The following DIP2A variants were observed in gnomAD, a reference collection of about 807,000 sequenced individuals.
The protein encoded by DIP2A is disco-interacting protein 2 homolog A.
A neutral mutation model predicts 177.4 loss-of-function variants in DIP2A; 85 were observed. That is an observed-to-expected ratio of 0.48 (90% CI 0.40 to 0.57). The LOEUF is 0.57. Ranked by LOEUF, DIP2A falls within the 20% of genes least tolerant of loss-of-function variation. The probability of loss-of-function intolerance (pLI) is 0.00; values close to 1 mark genes in which losing one functional copy is unlikely to be tolerated. For synonymous variants in DIP2A, 886 were observed against 881.8 expected (o/e 1.00, Z -0.08); for missense variants, 1,791 against 2,100.2 (o/e 0.85, Z 2.88).
At chr21:46,470,510 C>T (rs1319904316) in intron 1 of DIP2A, among the ~76,000 whole-genome samples, 5 of 151,038 alleles carry the variant, frequency 3.3e-5, no homozygotes, top group Middle Eastern at 3.5e-3. Context: ...CGGTAGCTCA[C>T]GCCTGTAATT....
At chr21:46,501,749 T>C (rs996263811) in intron 5 of DIP2A, among the ~76,000 whole-genome samples, 5 of 152,254 alleles carry the variant, frequency 3.3e-5, no homozygotes, top group African/African-American at 9.6e-5. Flanking sequence ...AAAAAACTAC[T>C]TGTAGTACAT....
At position 46,550,588 on chromosome 21, in the gene DIP2A, G is replaced by A; in HGVS notation, c.2683G>A (p.Val895Ile). The A allele has an allele frequency of 1.9e-6, 3 of 1,613,702 alleles. No individual in the cohort carries two copies. Among genetic ancestry groups the A allele is most frequent in the Non-Finnish European group, 2.5e-6 (3 of 1,179,822 alleles). ...GGTGGGCGTGTACTGTCTGGCCCTGGTTCCTGCCAACACCTTGCCCAAGGC... is the reference window on the plus strand; with the variant it reads ...GGTGGGCGTGTACTGTCTGGCCCTGATTCCTGCCAACACCTTGCCCAAGGC... Reference protein sequence around the residue: ...HQVGVYCLALVPANTLPKAPL... With the variant: ...HQVGVYCLALIPANTLPKAPL... The change falls in exon 23 of 38, where the codon GTT becomes ATT. Residue 895 changes from valine (V) to isoleucine (I), a missense_variant. Val to Ile is a conservative substitution (Grantham distance 29, BLOSUM62 3). Transcript: ENST00000417564.
At chr21:46,490,302 C>G (rs2034129086) in intron 2 of DIP2A, among the ~76,000 whole-genome samples, 1 of 152,094 alleles carries the variant, frequency 6.6e-6, no homozygotes, top group Non-Finnish European at 1.5e-5. Flanking sequence ...GCTCCCACCC[C>G]TGATGTGAGC....
intron 3 of DIP2A, 39 bp from the exon 4 acceptor site, chr21:46,496,949 C>G: frequency 6.4e-7 from 1 of 1,562,038 alleles, no homozygotes; most frequent in Non-Finnish European, 8.6e-7. Flanking sequence ...TATAAACAGT[C>G]TTGTAAAAAG....
intron 2 of DIP2A, among the ~76,000 whole-genome samples, chr21:46,489,261 G>A (rs2056872246): frequency 6.6e-6 from 1 of 152,210 alleles, no homozygotes; most frequent in African/African-American, 2.4e-5. Flanking sequence ...AACAACATCA[G>A]CAGCATCTGT....
chr21:46,503,900 A>G (rs1001456569), intron 5 of DIP2A, among the ~76,000 whole-genome samples: 9 of 151,972 alleles, frequency 5.9e-5, no homozygotes, highest in Admixed American at 5.9e-4. Context: ...TGATTTTTGT[A>G]TTTTTAGTAG....
At chr21:46,511,902 G>T (rs7276841) in intron 8 of DIP2A, among the ~76,000 whole-genome samples, 24,300 of 152,068 alleles carry the variant, frequency 0.16, 2,208 homozygotes, top group African/African-American at 0.21. Context: ...AGGGGAATCA[G>T]GCAGTATGTA....
At chr21:46,477,587 T>C (rs371192125) in intron 1 of DIP2A, among the ~76,000 whole-genome samples, 30 of 52,228 alleles carry the variant, frequency 5.7e-4, no homozygotes, top group African/African-American at 2.2e-3. Context: ...TTTTTTTTTT[T>C]TCTTGAGTCA....
At chr21:46,532,034 CT>C (rs2059376304) in intron 9 of DIP2A, 92 bp from the exon 10 acceptor site, 2 of 1,180,172 alleles carry the variant, frequency 1.7e-6, no homozygotes, top group Non-Finnish European at 2.4e-6. Flanking sequence ...ATATTTGGGG[CT>C]TACAAAAATT....
At chr21:46,461,271 CAAAAAAAAAAA>C (rs60346777) in intron 1 of DIP2A, among the ~76,000 whole-genome samples, 3 of 49,322 alleles carry the variant, frequency 6.1e-5, no homozygotes, top group South Asian at 1.4e-3. Context: ...CTCTTCTCAC[CAAAAAAAAAAA>C]AAAAAAAAAA....
intron 8 of DIP2A, among the ~76,000 whole-genome samples, chr21:46,521,379 GGT>G (rs2058817434): frequency 6.6e-6 from 1 of 152,072 alleles, no homozygotes; most frequent in Non-Finnish European, 1.5e-5. Flanking sequence ...AGTAGAGACC[GGT>G]TTTCACCATG....
intron 34 of DIP2A, among the ~76,000 whole-genome samples, chr21:46,562,113 G>GT (rs2060685946): frequency 6.6e-6 from 1 of 152,204 alleles, no homozygotes; most frequent in Non-Finnish European, 1.5e-5. Flanking sequence ...CATGGAGGGG[G>GT]GTTCCGGCCC....
At position 46,550,733 on chromosome 21, in the gene DIP2A, A is replaced by G; in HGVS notation, c.2828A>G (p.Gln943Arg). The change falls in exon 23 of 38, where the codon CAG becomes CGG. Residue 943 changes from glutamine to arginine, a missense_variant. Gln to Arg is a conservative substitution (Grantham distance 43). Coordinates refer to ENST00000417564, the MANE Select transcript of DIP2A (RefSeq NM_015151.4). ...GTTACCAACCTCCCCAAACCTCGTCAGAAACAACCAGGTTAGTTGAACCTA... is the reference window on the plus strand; with the variant it reads ...GTTACCAACCTCCCCAAACCTCGTCGGAAACAACCAGGTTAGTTGAACCTA... The part of the protein sequence containing the change: ...TCVTNLPKPR[Q>R]KQPEVGPASM... 6.2e-7 allele frequency: 1 copy of G among 1,614,016 alleles called. No homozygotes were observed. The highest frequency in any genetic ancestry group is 8.5e-7 in the Non-Finnish European group (1 of 1,179,890).
intron 20 of DIP2A, chr21:46,546,347 C>T (rs2060038407): frequency 9.7e-7 from 1 of 1,034,222 alleles, no homozygotes; most frequent in Non-Finnish European, 1.2e-6. Context: ...CAATTTTGCC[C>T]CTTCCCTCCC....
the DIP2A span, among the ~76,000 whole-genome samples, chr21:46,575,354 G>C: frequency 2.0e-5 from 3 of 152,084 alleles, no homozygotes; most frequent in African/African-American, 7.2e-5. Context: ...AGCTTTTTCT[G>C]ATAAGATCAG....
At chr21:46,580,060 C>T in the DIP2A span, among the ~76,000 whole-genome samples, 50 of 152,256 alleles carry the variant, frequency 3.3e-4, 1 homozygote, top group East Asian at 6.6e-3. Flanking sequence ...GTTAAAGTCT[C>T]CCGCTATTAT....
At chr21:46,502,572 C>G (rs910654175) in intron 5 of DIP2A, among the ~76,000 whole-genome samples, 11 of 151,112 alleles carry the variant, frequency 7.3e-5, no homozygotes, top group South Asian at 2.1e-4. Context: ...CTCAGCCTCC[C>G]GAGTAGCTGG....
chr21:46,484,680 A>T, intron 1 of DIP2A, 77 bp from the exon 2 acceptor site: 3 of 1,284,926 alleles, frequency 2.3e-6, no homozygotes, highest in Non-Finnish European at 2.1e-6. Flanking sequence ...CCAGTTTTTC[A>T]ATCATAAATT....
intron 5 of DIP2A, among the ~76,000 whole-genome samples, chr21:46,499,331 C>G (rs1335626778): frequency 1.3e-5 from 2 of 152,192 alleles, no homozygotes; most frequent in East Asian, 3.9e-4. Context: ...GAAGCTGGTG[C>G]ATGCAGTAGG....
Sources: gnomAD v4.1 joint callset for allele counts (sites outside exome capture counted in the v4.1 genomes callset) on GRCh38, gnomAD v4.1.1 for gene constraint, MANE v1.5 for transcripts, NCBI Gene and HGNC (gene_info 2026-07-23, HGNC 2026-07-21) for gene names.